MACF1: variants seen among roughly 807,000 people sequenced by gnomAD.
MACF1 encodes microtubule-actin cross-linking factor 1.
MACF1 carries 193 observed loss-of-function variants against 854.8 expected under a neutral mutation model. The observed-to-expected ratio is 0.23, with a 90% CI of 0.20 to 0.25. The LOEUF is 0.25. Among genes scored for constraint, MACF1 ranks in the 10% least tolerant of loss-of-function variants. The pLI, the probability that MACF1 is intolerant of heterozygous loss-of-function variation, is 1.00. For missense variants in MACF1, 7,722 were observed against 8,929.1 expected, an observed-to-expected ratio of 0.86 and a Z score of 5.45; for synonymous variants, 3,185 against 3,226.7, an observed-to-expected ratio of 0.99 and a Z score of 0.44.
At chr1:39,343,121 ATG>A (rs1357284945) in intron 40 of MACF1, among the ~76,000 whole-genome samples, 1 of 152,168 alleles carries the variant, frequency 6.6e-6, no homozygotes, top group Non-Finnish European at 1.5e-5. Flanking sequence ...CATGAGACAC[ATG>A]TGAGCCAGAG....
chr1:39,435,507 C>T lies in MACF1; in HGVS notation c.17785-51C>T, dbSNP rs777702024. 9 of 1,436,992 alleles carry T rather than the reference C, an allele frequency of 6.3e-6. No individual in the cohort carries two copies. The South Asian group carries it at 8.4e-5, about 13-fold the overall frequency. The allele number at this position is 1,436,992 out of a possible 1,614,324, so 89.0% of individuals were successfully genotyped here. A position where few individuals can be genotyped will look rare whatever the true frequency, so the allele number is the denominator to read the frequency against. On this transcript the variant is annotated intron_variant, in intron 69 of 100. Coordinates refer to ENST00000564288, the MANE Select transcript of MACF1 (RefSeq NM_001394062.1). ...TAGCTCTGATCAAAGTATCTAAATA[C>T]ATAAACTGGTATAAAAGTACTCATT...
At chr1:39,243,092 T>C (rs1644943925) in intron 2 of MACF1, among the ~76,000 whole-genome samples, 1 of 152,228 alleles carries the variant, frequency 6.6e-6, no homozygotes, top group African/African-American at 2.4e-5. Context: ...GATTCTCTGC[T>C]TTTTTGCTAA....
At chr1:39,248,746 G>A (rs548013848) in intron 2 of MACF1, among the ~76,000 whole-genome samples, 4 of 151,004 alleles carry the variant, frequency 2.6e-5, no homozygotes, top group Admixed American at 1.3e-4. Context: ...CTTTTTTTTC[G>A]AGACAGAGTC....
chr1:39,393,196 A>AAAAATATATAT (rs57576149), intron 58 of MACF1, among the ~76,000 whole-genome samples: 8 of 66,566 alleles, frequency 1.2e-4, no homozygotes, highest in African/African-American at 5.9e-4. Flanking sequence ...AAAAAAAAAA[A>AAAAATATATAT]ATATATATAT....
intron 2 of MACF1, among the ~76,000 whole-genome samples, chr1:39,098,548 C>T (rs1641990528): frequency 6.6e-6 from 1 of 152,228 alleles, no homozygotes; most frequent in Non-Finnish European, 1.5e-5. Context: ...TGAGGCCTTC[C>T]ACGCCCCTTT....
chr1:39,235,304 G>C (rs931038673), intron 2 of MACF1, among the ~76,000 whole-genome samples: 3 of 152,258 alleles, frequency 2.0e-5, no homozygotes, highest in African/African-American at 7.2e-5. Context: ...AGGGGCTGGA[G>C]ACTGGCCTGG....
At chr1:39,411,480 C>T in intron 58 of MACF1, 1 of 1,613,574 alleles carries the variant, frequency 6.2e-7, no homozygotes. Flanking sequence ...CAGCCAAGGA[C>T]CAGTTGGCTA....
chr1:39,360,322 A>C (rs894315766), intron 47 of MACF1, among the ~76,000 whole-genome samples: 12 of 151,782 alleles, frequency 7.9e-5, no homozygotes, highest in African/African-American at 2.9e-4. Context: ...TTTTATCATT[A>C]ATTGTGATGC....
At chr1:39,120,165 T>C (rs1642662294) in intron 2 of MACF1, among the ~76,000 whole-genome samples, 1 of 152,122 alleles carries the variant, frequency 6.6e-6, no homozygotes, top group Non-Finnish European at 1.5e-5. Context: ...ATTACAGGCG[T>C]GAGCCACCGC....
At chr1:39,295,285 T>C (rs1645876500) in intron 19 of MACF1, 135 bp downstream of exon 19, 1 of 702,914 alleles carries the variant, frequency 1.4e-6, no homozygotes, top group African/African-American at 1.8e-5. Context: ...CTTCTCTCTT[T>C]TCATTCCTGA....
chr1:39,158,821 G>A (rs1480509126), intron 2 of MACF1, among the ~76,000 whole-genome samples: 4 of 152,216 alleles, frequency 2.6e-5, no homozygotes, highest in East Asian at 3.8e-4. Flanking sequence ...CTCTGGTGAC[G>A]TCACTTGTAA....
chr1:39,373,642 C>T (rs1460770561), intron 52 of MACF1, among the ~76,000 whole-genome samples: 1 of 151,332 alleles, frequency 6.6e-6, no homozygotes, highest in Non-Finnish European at 1.5e-5. Context: ...CACTTGAGGT[C>T]GGGAGTTCAA....
chr1:39,336,906 T>C (rs1646820461), intron 37 of MACF1, among the ~76,000 whole-genome samples: 1 of 152,186 alleles, frequency 6.6e-6, no homozygotes, highest in African/African-American at 2.4e-5. Context: ...CTAATAGAAA[T>C]ACTAGGATGA....
Position 39,334,395 on chromosome 1 carries a change from C to A in MACF1, c.7807C>A (p.Leu2603Met). 1 of 1,614,070 alleles carries A rather than the reference C, an allele frequency of 6.2e-7. No homozygotes were observed. Reference sequence around the variant, plus strand: ...CTTGGCAGAAGCTAAAAAAGAAGGACTGTTAACTAATGAAGCAGTATTGTC... The same window carrying A: ...CTTGGCAGAAGCTAAAAAAGAAGGAATGTTAACTAATGAAGCAGTATTGTC... The part of the protein sequence containing the change: ...LTLAEAKKEG[L>M]LTNEAVLSPG... Residue 2603 changes from leucine (L) to methionine (M), a missense_variant, in exon 37 of 101, where the codon CTG becomes ATG. Coordinates refer to ENST00000564288, the MANE Select transcript of MACF1 (RefSeq NM_001394062.1).
intron 23 of MACF1, among the ~76,000 whole-genome samples, chr1:39,307,897 CTTTCTTT>C (rs1238753674): frequency 3.1e-5 from 3 of 96,216 alleles, no homozygotes; most frequent in African/African-American, 1.2e-4. Context: ...TTCTTTCTTT[CTTTCTTT>C]TTTTTTTTTT....
chr1:39,102,957 G>C, intron 2 of MACF1: 1 of 701,194 alleles, frequency 1.4e-6, no homozygotes, highest in East Asian at 2.7e-5. Flanking sequence ...AATTTTCTCT[G>C]TATAAAACAG....
In MACF1 at chr1:39,256,618, G is replaced by A. The variant is rs568296978; in HGVS notation, c.436-1318G>A. On this transcript the variant is annotated intron_variant, in intron 5 of 100. Transcript: ENST00000564288. ...ACAGAGGTGAAGTAGAAGTAGGGTG[G>A]TTTGCCCAGGACACTCCCAGTTTTA... Among the ~76,000 whole-genome samples the A allele has an allele frequency of 2.2e-4, 33 of 152,238 alleles. 1 individual carries two copies. The highest frequency in any genetic ancestry group is 7.9e-4 in the African/African-American group (33 of 41,536).
chr1:39,423,982 T>C, intron 60 of MACF1, 46 bp from the exon 61 acceptor site: 1 of 1,499,726 alleles, frequency 6.7e-7, no homozygotes, highest in Non-Finnish European at 9.1e-7. Context: ...CTAGTTCAGA[T>C]TTCAAAATGA....
At chr1:39,284,517 C>T (rs1645608587) in intron 11 of MACF1, 89 bp downstream of exon 11, 1 of 778,976 alleles carries the variant, frequency 1.3e-6, no homozygotes, top group Non-Finnish European at 2.0e-6. Context: ...TATTCTTTTC[C>T]CAAACTGCAT....
Sources: gnomAD v4.1 joint callset for allele counts (sites outside exome capture counted in the v4.1 genomes callset) on GRCh38, gnomAD v4.1.1 for gene constraint, MANE v1.5 for transcripts, NCBI Gene and HGNC (gene_info 2026-07-23, HGNC 2026-07-21) for gene names.